The following GOLM2 variants were observed in gnomAD, a reference collection of about 807,000 sequenced individuals.
GOLM2 encodes the protein golgi membrane protein 2, also known as protein GOLM2.
A neutral mutation model predicts 55.9 loss-of-function variants in GOLM2; 26 were observed. The observed-to-expected ratio is 0.47, with a 90% CI of 0.34 to 0.65. GOLM2 has a LOEUF of 0.65. Ranked by LOEUF, GOLM2 falls within the 30% of genes least tolerant of loss-of-function variation. GOLM2 has a pLI of 0.01. For synonymous variants in GOLM2, 165 were observed against 194.6 expected (o/e 0.85, Z 1.27); for missense variants, 486 against 531.8 (o/e 0.91, Z 0.85).
intron 1 of GOLM2, among the ~76,000 whole-genome samples, chr15:44,316,201 A>G (rs2078907969): frequency 6.6e-6 from 1 of 152,218 alleles, no homozygotes; most frequent in Admixed American, 6.5e-5. Context: ...CATTTAGAAG[A>G]TAAGCATATT....
rs545072990 is a variant in GOLM2 at position 44,354,240 on chromosome 15, A to G, written c.802+15923A>G. ...CACCAAGATAGACCATAAAACGGGA[A>G]TTGAACAATGAGAACACATGGACAC... is the stretch of plus-strand genomic sequence containing the variant. On this transcript the variant is annotated intron_variant, in intron 6 of 9. Transcript: ENST00000299957. Among the ~76,000 whole-genome samples, 26 of 147,040 alleles carry G rather than the reference A, an allele frequency of 1.8e-4. No individual in the cohort carries two copies. The East Asian group carries it at 5.1e-3, about 29-fold the overall frequency.
intron 1 of GOLM2, among the ~76,000 whole-genome samples, chr15:44,290,563 G>A (rs2078713255): frequency 6.6e-6 from 1 of 152,132 alleles, no homozygotes; most frequent in Non-Finnish European, 1.5e-5. Flanking sequence ...TAGGGTCAAG[G>A]AATCAGTACA....
intron 8 of GOLM2, among the ~76,000 whole-genome samples, chr15:44,385,298 C>G (rs902668682): frequency 1.3e-5 from 2 of 151,856 alleles, no homozygotes; most frequent in Admixed American, 6.6e-5. Context: ...CCACCAGCAA[C>G]GTATAAGAGT....
In GOLM2 at chr15:44,323,019, G is replaced by A; in HGVS notation, c.382G>A (p.Glu128Lys). Residue 128 changes from glutamate to lysine, a missense_variant and splice_region_variant, in exon 2 of 10, where the codon GAG (glutamate) becomes AAG (lysine). Physicochemically the swap from Glu to Lys is moderately conservative, Grantham distance 56. Transcript: ENST00000299957. ...GATGGCAGACATACATCATTTAAAG[G>A]GTAAGAACCTTAATTCCAGATTAAA... ...YQMADIHHLK[E>K]QLAELRQEFL... The A allele has an allele frequency of 1.9e-6, 3 of 1,560,414 alleles. No homozygotes were observed. Among genetic ancestry groups the A allele is most frequent in the Non-Finnish European group, 2.6e-6 (3 of 1,155,314 alleles).
intron 6 of GOLM2, among the ~76,000 whole-genome samples, chr15:44,353,742 T>G (rs1282568444): frequency 1.3e-5 from 2 of 152,050 alleles, no homozygotes; most frequent in Non-Finnish European, 2.9e-5. Flanking sequence ...ATAGTTGAAC[T>G]CATGGGAATA....
At chr15:44,403,364 G>A (rs1446401752) in intron 9 of GOLM2, among the ~76,000 whole-genome samples, 1 of 152,044 alleles carries the variant, frequency 6.6e-6, no homozygotes, top group Non-Finnish European at 1.5e-5. Context: ...GTTTCTCCAT[G>A]TTGGTCAGGC....
chr15:44,297,505 G>C (rs1030001315), intron 1 of GOLM2, among the ~76,000 whole-genome samples: 2 of 150,394 alleles, frequency 1.3e-5, no homozygotes, highest in Non-Finnish European at 3.0e-5. Context: ...TGTTCCTGCT[G>C]TTTGACTCTT....
At chr15:44,343,159 C>G (rs2079099894) in intron 6 of GOLM2, among the ~76,000 whole-genome samples, 1 of 151,444 alleles carries the variant, frequency 6.6e-6, no homozygotes, top group Non-Finnish European at 1.5e-5. Flanking sequence ...ATGGTGAAAC[C>G]CCATCTCTGC....
At chr15:44,369,707 C>G (rs1412658485) in intron 6 of GOLM2, among the ~76,000 whole-genome samples, 1 of 150,396 alleles carries the variant, frequency 6.6e-6, no homozygotes, top group African/African-American at 2.5e-5. Context: ...CACACACACA[C>G]ACACACACAC....
At chr15:44,340,655 C>T (rs1343579816) in intron 6 of GOLM2, among the ~76,000 whole-genome samples, 1 of 152,140 alleles carries the variant, frequency 6.6e-6, no homozygotes, top group Non-Finnish European at 1.5e-5. Context: ...TCATTCCAGA[C>T]CTACTTAATC....
At position 44,359,868 on chromosome 15, in the gene GOLM2, A is replaced by G. The variant is rs927868709; in HGVS notation, c.803-19822A>G. 3.9e-5 allele frequency among the ~76,000 whole-genome samples: 6 copies of G among 152,260 alleles called. No individual in the cohort carries two copies. The South Asian group carries it at 8.3e-4, about 21-fold the overall frequency. Reference sequence around the variant, plus strand: ...CAGCGGATCTCTCGGGAGAAACTCGATAAGCCAGAAGAGAGTGGGGGCCAA... The same window carrying G: ...CAGCGGATCTCTCGGGAGAAACTCGGTAAGCCAGAAGAGAGTGGGGGCCAA... On this transcript the variant is annotated intron_variant, in intron 6 of 9. Transcript: ENST00000299957.
intron 6 of GOLM2, among the ~76,000 whole-genome samples, chr15:44,349,686 C>T (rs1468583847): frequency 1.3e-5 from 2 of 152,172 alleles, no homozygotes; most frequent in African/African-American, 4.8e-5. Flanking sequence ...CTGCAGAATA[C>T]ACATTCTTCT....
chr15:44,381,010 T>C (rs762187309), intron 8 of GOLM2, 34 bp downstream of exon 8: 2 of 1,371,682 alleles, frequency 1.5e-6, no homozygotes, highest in Non-Finnish European at 2.0e-6. Flanking sequence ...ATGCTAAAAA[T>C]ATTTCTTTAA....
intron 1 of GOLM2, among the ~76,000 whole-genome samples, chr15:44,318,817 A>T (rs1308028444): frequency 4.6e-5 from 7 of 152,140 alleles, no homozygotes. Context: ...AAGACCCTTC[A>T]TAATTGTGAA....
At chr15:44,306,333 C>G (rs768252925) in intron 1 of GOLM2, among the ~76,000 whole-genome samples, 8 of 152,036 alleles carry the variant, frequency 5.3e-5, no homozygotes, top group Non-Finnish European at 1.0e-4. Flanking sequence ...ATGAACCAAC[C>G]TCTGCTGGCT....
intron 6 of GOLM2, among the ~76,000 whole-genome samples, chr15:44,347,443 A>G (rs774296798): frequency 6.6e-6 from 1 of 152,162 alleles, no homozygotes; most frequent in Non-Finnish European, 1.5e-5. Context: ...GAGACTTTGC[A>G]CTGGAACTTA....
At chr15:44,295,252 G>T (rs1184407077) in intron 1 of GOLM2, among the ~76,000 whole-genome samples, 2 of 151,956 alleles carry the variant, frequency 1.3e-5, no homozygotes, top group Admixed American at 6.6e-5. Context: ...GCTAATTTTT[G>T]ATTTTTTAGT....
intron 8 of GOLM2, among the ~76,000 whole-genome samples, chr15:44,388,709 TTGC>T (rs1210327516): frequency 6.6e-6 from 1 of 152,216 alleles, no homozygotes; most frequent in Non-Finnish European, 1.5e-5. Flanking sequence ...AGACAGGGTC[TTGC>T]TGTGCTGCCG....
At chr15:44,312,365 T>A (rs1243107947) in intron 1 of GOLM2, among the ~76,000 whole-genome samples, 1 of 152,108 alleles carries the variant, frequency 6.6e-6, no homozygotes, top group South Asian at 2.1e-4. Context: ...CATTTAAACT[T>A]TTTTTCTCCT....
Sources: allele counts gnomAD v4.1 joint callset (sites outside exome capture counted in the v4.1 genomes callset), GRCh38; gene constraint gnomAD v4.1.1; transcripts MANE v1.5; gene names NCBI Gene and HGNC (gene_info 2026-07-23, HGNC 2026-07-21).